The following DLGAP1 variants were observed in gnomAD, a reference collection of about 807,000 sequenced individuals.
DLGAP1 encodes the protein disks large-associated protein 1.
Under a neutral mutation model 90.8 loss-of-function variants are expected in DLGAP1, and 11 were observed. That is an observed-to-expected ratio of 0.12 (90% CI 0.08 to 0.20). The LOEUF is 0.20. Among genes scored for constraint, DLGAP1 ranks in the 10% least tolerant of loss-of-function variants. DLGAP1 has a pLI of 1.00. For missense variants in DLGAP1, 1,050 were observed against 1,333.8 expected (o/e 0.79, Z 3.31); for synonymous variants, 558 against 540.7 (o/e 1.03, Z -0.44).
In DLGAP1 at chr18:3,924,526, G is replaced by A. The variant is rs78240787; in HGVS notation, c.-72-44386C>T. Reference sequence around the variant, plus strand: ...TAGCATACACAAATCTCAAGTTTTGGGGGAAAAAGAAACCCTACAAAAAAC... The same window carrying A: ...TAGCATACACAAATCTCAAGTTTTGAGGGAAAAAGAAACCCTACAAAAAAC... On this transcript the variant is annotated intron_variant, in intron 3 of 12. Coordinates refer to ENST00000315677, the MANE Select transcript of DLGAP1 (RefSeq NM_004746.4). Among the ~76,000 whole-genome samples the A allele has an allele frequency of 3.2e-4, 48 of 152,168 alleles. No individual in the cohort carries two copies. The East Asian group carries it at 9.3e-3, about 29-fold the overall frequency.
chr18:4,076,767 G>A (rs532596114), intron 2 of DLGAP1, among the ~76,000 whole-genome samples: 3 of 152,102 alleles, frequency 2.0e-5, no homozygotes, highest in Non-Finnish European at 2.9e-5. Flanking sequence ...GGGATTACAG[G>A]TGCATACCAC....
chr18:3,698,191 G>A (rs901010928), intron 7 of DLGAP1, among the ~76,000 whole-genome samples: 3 of 152,082 alleles, frequency 2.0e-5, no homozygotes, highest in Non-Finnish European at 4.4e-5. Flanking sequence ...TCAAATTTAA[G>A]GTTAATACTG....
chr18:3,929,363 C>T (rs1346804814), intron 3 of DLGAP1, among the ~76,000 whole-genome samples: 1 of 152,176 alleles, frequency 6.6e-6, no homozygotes, highest in East Asian at 1.9e-4. Flanking sequence ...ATTGACAAAG[C>T]AGATTCCACA....
At position 3,808,918 on chromosome 18, in the gene DLGAP1, TGAA is replaced by T. The variant is rs528460314; in HGVS notation, c.1172+5138_1172+5140del. On this transcript the variant is annotated intron_variant, in intron 5 of 12. Transcript: ENST00000315677. ...CATTTAAAATATCCAGAATTAAAGT[TGAA>T]GAAGAACACTCCATCTACCTCTTCT... Among the ~76,000 whole-genome samples, 115 of 152,346 alleles carry T rather than the reference TGAA, an allele frequency of 7.5e-4. No homozygotes were observed. In the East Asian group the frequency reaches 0.02, roughly 27 times the overall value.
intron 1 of DLGAP1, among the ~76,000 whole-genome samples, chr18:4,257,309 T>C (rs1436943647): frequency 6.6e-6 from 1 of 152,148 alleles, no homozygotes; most frequent in Non-Finnish European, 1.5e-5. Flanking sequence ...GGAGGGCACT[T>C]AGTGAAGTCT....
intron 7 of DLGAP1, among the ~76,000 whole-genome samples, chr18:3,636,166 T>A (rs1163765838): frequency 6.6e-6 from 1 of 151,080 alleles, no homozygotes; most frequent in East Asian, 2.0e-4. Context: ...TCCCTTTCTT[T>A]ACCTGGCCAA....
chr18:3,784,259 T>C (rs113211995), intron 5 of DLGAP1, among the ~76,000 whole-genome samples: 69 of 152,292 alleles, frequency 4.5e-4, no homozygotes, highest in African/African-American at 1.6e-3. Flanking sequence ...TTGGCCTGTT[T>C]AGGCGCACAA....
Position 3,499,508 on chromosome 18 carries a change from C to A in DLGAP1, c.2725-114G>T. 9.7e-7 allele frequency: 1 copy of A among 1,026,010 alleles called. No individual in the cohort carries two copies. Among genetic ancestry groups the A allele is most frequent in the South Asian group, 1.6e-5 (1 of 62,124 alleles). The allele number at this position is 1,026,010 out of a possible 1,614,324, so 63.6% of individuals were successfully genotyped here. On this transcript the variant is annotated intron_variant, in intron 12 of 12. Coordinates refer to ENST00000315677, the MANE Select transcript of DLGAP1 (RefSeq NM_004746.4). This position sits in a 1 kb window ranked among gnomAD's most constrained non-coding sequence, Gnocchi z 6.4. ...GTTTTTTACCTAGGGGTGGTTAGTT[C>A]TGATCTGCACACTGCATATCTACTT...
intron 5 of DLGAP1, among the ~76,000 whole-genome samples, chr18:3,810,404 A>G (rs1405659309): frequency 6.6e-6 from 1 of 152,208 alleles, no homozygotes; most frequent in East Asian, 1.9e-4. Flanking sequence ...CTTCTCTTCA[A>G]CATTTCTGAG....
chr18:4,178,839 CAT>C (rs2077161246), intron 1 of DLGAP1, among the ~76,000 whole-genome samples: 1 of 152,032 alleles, frequency 6.6e-6, no homozygotes, highest in Non-Finnish European at 1.5e-5. Context: ...AGAGTATGAA[CAT>C]ATTGTTATAA....
intron 3 of DLGAP1, among the ~76,000 whole-genome samples, chr18:3,892,854 A>ATTTC (rs1568283799): frequency 1.3e-5 from 2 of 150,058 alleles, no homozygotes; most frequent in African/African-American, 4.9e-5. Context: ...AAATCTAACC[A>ATTTC]CTTTCTCCTC....
intron 1 of DLGAP1, among the ~76,000 whole-genome samples, chr18:4,310,085 A>C (rs969717891): frequency 2.0e-5 from 3 of 152,154 alleles, no homozygotes; most frequent in Admixed American, 2.0e-4. Flanking sequence ...GGAAAGCTTC[A>C]ATTAACACAT....
At chr18:4,322,968 A>AG (rs1157302089) in intron 1 of DLGAP1, among the ~76,000 whole-genome samples, 21 of 142,248 alleles carry the variant, frequency 1.5e-4, no homozygotes, top group Non-Finnish European at 2.8e-4. Context: ...AAAAAAAAAA[A>AG]GGAAAAAGCT....
intron 7 of DLGAP1, among the ~76,000 whole-genome samples, chr18:3,657,603 CT>C (rs1156440850): frequency 0.11 from 14,613 of 134,140 alleles, 1,249 homozygotes; most frequent in African/African-American, 0.28. Context: ...CCATGGAATT[CT>C]TTTTTTTTTT....
chr18:4,234,278 A>T (rs898229972), intron 1 of DLGAP1, among the ~76,000 whole-genome samples: 1 of 152,142 alleles, frequency 6.6e-6, no homozygotes, highest in African/African-American at 2.4e-5. Context: ...ACTCAATTTT[A>T]ATTAGCCATG....
At chr18:4,082,317 G>A (rs1480876692) in intron 2 of DLGAP1, among the ~76,000 whole-genome samples, 1 of 140,750 alleles carries the variant, frequency 7.1e-6, no homozygotes, top group African/African-American at 2.6e-5. Flanking sequence ...ACTCCAGCCT[G>A]GGCGACAGAA....
chr18:4,326,662 TA>T (rs1232358796), intron 1 of DLGAP1, among the ~76,000 whole-genome samples: 4 of 152,060 alleles, frequency 2.6e-5, no homozygotes, highest in Non-Finnish European at 4.4e-5. Context: ...TATGCAGCCA[TA>T]AAAAAAGAAT....
At chr18:3,974,890 G>A (rs2073536852) in intron 3 of DLGAP1, among the ~76,000 whole-genome samples, 1 of 135,702 alleles carries the variant, frequency 7.4e-6, no homozygotes, top group South Asian at 2.4e-4. Context: ...AAACCTTGAG[G>A]ACATAAAAAA....
intron 2 of DLGAP1, among the ~76,000 whole-genome samples, chr18:4,144,496 G>A (rs1445282865): frequency 6.6e-6 from 1 of 152,206 alleles, no homozygotes; most frequent in Non-Finnish European, 1.5e-5. Context: ...GACAGGGAAG[G>A]GGTGCTGTAG....
Sources: gnomAD v4.1 joint callset for allele counts (sites outside exome capture counted in the v4.1 genomes callset) on GRCh38, gnomAD v4.1.1 for gene constraint, Gnocchi (gnomAD v3.1) non-coding constraint, MANE v1.5 for transcripts, NCBI Gene and HGNC (gene_info 2026-07-23, HGNC 2026-07-21) for gene names.